USP46: variants seen among roughly 807,000 people sequenced by gnomAD.
The protein encoded by USP46 is ubiquitin carboxyl-terminal hydrolase 46.
In USP46, 12 loss-of-function variants were observed where a neutral mutation model predicts 44.4. That is an observed-to-expected ratio of 0.27 (90% confidence interval 0.17 to 0.44). USP46 has a LOEUF of 0.44. Ranked by LOEUF, USP46 falls within the 20% of genes least tolerant of loss-of-function variation. The pLI is 1.00. For missense variants in USP46, 248 were observed against 444.8 expected (o/e 0.56, Z 3.98); for synonymous variants, 155 against 161.5 (o/e 0.96, Z 0.31).
In USP46 at chr4:52,630,897, T is replaced by C. The variant is rs542268043; in HGVS notation, c.117+167A>G. ...AAATGTTTTTTGCTGGGACAACTCA[T>C]ACTTTCAAAAATAGGTTAAGTTGCT... On this transcript the variant is annotated intron_variant, in intron 2 of 8. Coordinates refer to ENST00000441222, the MANE Select transcript of USP46 (RefSeq NM_022832.4). 1.1e-3 allele frequency among the ~76,000 whole-genome samples: 171 copies of C among 152,318 alleles called. No homozygotes were observed. Among genetic ancestry groups the C allele is most frequent in the African/African-American group, 3.9e-3 (161 of 41,566 alleles).
chr4:52,601,758 T>A, intron 7 of USP46, 99 bp downstream of exon 7: 2 of 1,293,322 alleles, frequency 1.5e-6, no homozygotes, highest in Non-Finnish European at 2.1e-6. Context: ...CCCAAAACTA[T>A]TGAGTGCCAC....
chr4:52,591,821 G>A lies in USP46; in HGVS notation c.*5819C>T, dbSNP rs1716029061. The A allele has an allele frequency of 6.6e-6, 1 of 152,152 alleles. No homozygotes were observed. The highest frequency in any genetic ancestry group is 6.6e-5 in the Admixed American group (1 of 15,262). 9.4% of individuals were successfully genotyped at this position (152,152 alleles called of 1,614,324 possible). On this transcript the variant is annotated 3_prime_UTR_variant, in exon 9 of 9. Coordinates refer to ENST00000441222, the MANE Select transcript of USP46 (RefSeq NM_022832.4). ...AGTCTAGATAGGCTCTAATTATTTG[G>A]TCATAATGTAAACAGATTGTTTAGA...
chr4:52,603,899 G>A (rs1716577515), intron 6 of USP46, among the ~76,000 whole-genome samples: 1 of 152,050 alleles, frequency 6.6e-6, no homozygotes, highest in South Asian at 2.1e-4. Context: ...TGGCCAGGCT[G>A]GTCTCAAACT....
chr4:52,604,690 G>T (rs953616497), intron 5 of USP46, 106 bp from the exon 6 acceptor site: 8 of 735,376 alleles, frequency 1.1e-5, no homozygotes, highest in African/African-American at 1.8e-5. Flanking sequence ...AGTAAAAATG[G>T]AAGAAGAAGT....
At chr4:52,653,201 G>A (rs1351266188) in intron 1 of USP46, among the ~76,000 whole-genome samples, 1 of 152,086 alleles carries the variant, frequency 6.6e-6, no homozygotes, top group Non-Finnish European at 1.5e-5. Context: ...CTAACACAGA[G>A]TTCGTCTCAA....
At chr4:52,600,785 T>C (rs1342347158) in intron 7 of USP46, among the ~76,000 whole-genome samples, 5 of 152,034 alleles carry the variant, frequency 3.3e-5, no homozygotes, top group African/African-American at 1.2e-4. Flanking sequence ...TGAGGCCTCA[T>C]CCAGTGCTCA....
At chr4:52,602,114 C>T in intron 6 of USP46, 60 bp from the exon 7 acceptor site, 1 of 1,531,422 alleles carries the variant, frequency 6.5e-7, no homozygotes. Context: ...GAAGAGAATA[C>T]ACTGTCATCT....
intron 4 of USP46, among the ~76,000 whole-genome samples, chr4:52,624,351 T>C (rs949123131): frequency 6.6e-6 from 1 of 152,084 alleles, no homozygotes; most frequent in African/African-American, 2.4e-5. Flanking sequence ...GCAGAAAGTG[T>C]TTTGACAGGA....
intron 1 of USP46, among the ~76,000 whole-genome samples, chr4:52,632,922 A>AAG (rs1717903720): frequency 2.0e-5 from 1 of 50,390 alleles, no homozygotes; most frequent in Non-Finnish European, 3.7e-5. Context: ...AAGAAAGAGA[A>AAG]AGAAAGAAAG....
At chr4:52,597,878 C>A in intron 8 of USP46, 137 bp from the exon 9 acceptor site, 2 of 658,858 alleles carry the variant, frequency 3.0e-6, no homozygotes, top group Non-Finnish European at 5.0e-6. Context: ...CTTTCAATAG[C>A]AAATGGAGAA....
chr4:52,658,504 T>A (rs1433186838), intron 1 of USP46, among the ~76,000 whole-genome samples: 1 of 152,184 alleles, frequency 6.6e-6, no homozygotes, highest in Non-Finnish European at 1.5e-5. Flanking sequence ...CAGAGCCTTG[T>A]CCCTTTTTCA....
At chr4:52,600,116 G>T (rs887469556) in intron 7 of USP46, among the ~76,000 whole-genome samples, 2 of 152,178 alleles carry the variant, frequency 1.3e-5, no homozygotes, top group Non-Finnish European at 2.9e-5. Flanking sequence ...TAGCAGGGTG[G>T]TGTGTTTATT....
chr4:52,602,079 C>A, intron 6 of USP46, 25 bp from the exon 7 acceptor site: 1 of 1,601,950 alleles, frequency 6.2e-7, no homozygotes, highest in South Asian at 1.1e-5. Flanking sequence ...AATAGAAAAT[C>A]AGTTGTACCC....
In USP46 at chr4:52,612,250, C is replaced by G. The variant is rs562510760; in HGVS notation, c.562-1633G>C. Reference sequence around the variant, plus strand: ...ACTACATATAAGTTAATCCCAACTTCGTATAAAAAAGGCATCTTTATACTT... The same window carrying G: ...ACTACATATAAGTTAATCCCAACTTGGTATAAAAAAGGCATCTTTATACTT... On this transcript the variant is annotated intron_variant, in intron 4 of 8. Coordinates refer to ENST00000441222, the MANE Select transcript of USP46 (RefSeq NM_022832.4). Among the ~76,000 whole-genome samples, 6 of 152,310 alleles carry G rather than the reference C, an allele frequency of 3.9e-5. No homozygotes were observed. The East Asian group carries it at 1.2e-3, about 29-fold the overall frequency.
intron 1 of USP46, among the ~76,000 whole-genome samples, chr4:52,639,691 A>C (rs1485013655): frequency 1.3e-5 from 2 of 151,990 alleles, no homozygotes; most frequent in African/African-American, 4.8e-5. Context: ...ATGTCTCTAG[A>C]AATGAAAAGT....
chr4:52,606,971 A>T (rs1031614280), intron 5 of USP46, among the ~76,000 whole-genome samples: 7 of 152,206 alleles, frequency 4.6e-5, no homozygotes, highest in Non-Finnish European at 8.8e-5. Flanking sequence ...ACTGGAGTGG[A>T]ACGGGGAGCC....
intron 6 of USP46, among the ~76,000 whole-genome samples, chr4:52,604,047 T>A (rs1211793647): frequency 6.6e-6 from 1 of 152,214 alleles, no homozygotes; most frequent in Non-Finnish European, 1.5e-5. Flanking sequence ...TATGAAATGA[T>A]ATATATTTTT....
intron 1 of USP46, among the ~76,000 whole-genome samples, chr4:52,638,819 G>A (rs1013214243): frequency 6.6e-6 from 1 of 151,846 alleles, no homozygotes; most frequent in African/African-American, 2.4e-5. Context: ...GGGCTGTCTG[G>A]GTAGCTTCCA....
At chr4:52,634,112 C>T (rs562778068) in intron 1 of USP46, among the ~76,000 whole-genome samples, 15 of 151,748 alleles carry the variant, frequency 9.9e-5, no homozygotes, top group African/African-American at 3.6e-4. Context: ...ATTTTCGTGT[C>T]TTTTTTCTTT....
Sources: gnomAD v4.1 joint callset for allele counts (sites outside exome capture counted in the v4.1 genomes callset) on GRCh38, gnomAD v4.1.1 for gene constraint, MANE v1.5 for transcripts, NCBI Gene and HGNC (gene_info 2026-07-23, HGNC 2026-07-21) for gene names.